NCOA1: variants seen among roughly 807,000 people sequenced by gnomAD.
NCOA1 encodes the protein Hin-2 protein.
A neutral mutation model predicts 150.9 loss-of-function variants in NCOA1; 35 were observed. That is an observed-to-expected ratio of 0.23 (90% CI 0.18 to 0.31). NCOA1 has a LOEUF of 0.31. Ranked by LOEUF, NCOA1 falls within the 10% of genes least tolerant of loss-of-function variation. The pLI is 1.00. For missense variants in NCOA1, 1,491 were observed against 1,749.3 expected, an observed-to-expected ratio of 0.85 and a Z score of 2.63; for synonymous variants, 590 against 630.0, an observed-to-expected ratio of 0.94 and a Z score of 0.95.
rs1459838926 is a variant in NCOA1 at position 24,491,398 on chromosome 2, G to T, written c.-600G>T. 5.0e-5 allele frequency among the ~76,000 whole-genome samples: 7 copies of T among 138,964 alleles called. No homozygotes were observed. The highest frequency in any genetic ancestry group is 1.4e-4 in the Admixed American group (2 of 14,478). 91.2% of individuals were successfully genotyped at this position (138,964 alleles called of 152,430 possible). On this transcript the variant is annotated 5_prime_UTR_variant, in exon 1 of 23. Transcript: ENST00000348332. ...CTGCCTCGCGGCCTTGAGGGCCTCC[G>T]CCGCCTGTTCGCTGCTGCTCCCTCG...
chr2:24,639,930 A>G (rs1161556327), intron 3 of NCOA1, among the ~76,000 whole-genome samples: 2,367 of 20,864 alleles, frequency 0.11, 219 homozygotes, highest in Admixed American at 0.14. Context: ...ATATATATAT[A>G]TATATATATA....
At chr2:24,740,152 AT>A (rs1663531558) in intron 18 of NCOA1, among the ~76,000 whole-genome samples, 1 of 152,168 alleles carries the variant, frequency 6.6e-6, no homozygotes, top group Non-Finnish European at 1.5e-5. Context: ...GAGATAAGGA[AT>A]TTTAGAGAGG....
intron 8 of NCOA1, among the ~76,000 whole-genome samples, chr2:24,683,776 A>AG (rs1672283098): frequency 6.6e-6 from 1 of 152,140 alleles, no homozygotes; most frequent in African/African-American, 2.4e-5. Flanking sequence ...TTCAGTGCTC[A>AG]AGTTCTAGTT....
chr2:24,702,482 C>T (rs1673211410), intron 11 of NCOA1, among the ~76,000 whole-genome samples: 1 of 152,086 alleles, frequency 6.6e-6, no homozygotes, highest in South Asian at 2.1e-4. Flanking sequence ...ATCTCAGCAC[C>T]AAATTGGGAG....
At chr2:24,625,994 G>A (rs958135722) in intron 3 of NCOA1, among the ~76,000 whole-genome samples, 3 of 152,112 alleles carry the variant, frequency 2.0e-5, no homozygotes, top group African/African-American at 7.2e-5. Context: ...TGGATATAGT[G>A]TTCTAAAAAT....
chr2:24,568,839 A>G (rs980962943), intron 2 of NCOA1, among the ~76,000 whole-genome samples: 3 of 152,228 alleles, frequency 2.0e-5, no homozygotes, highest in South Asian at 2.1e-4. Context: ...TTTCAGCTGG[A>G]TGAAAGCACT....
chr2:24,601,822 G>T (rs1177082891), intron 3 of NCOA1, among the ~76,000 whole-genome samples: 2 of 151,796 alleles, frequency 1.3e-5, no homozygotes, highest in Non-Finnish European at 2.9e-5. Context: ...TTTTAGTAGA[G>T]ACAGGGTTTC....
intron 4 of NCOA1, among the ~76,000 whole-genome samples, chr2:24,648,513 C>T (rs1264080128): frequency 6.6e-6 from 1 of 152,100 alleles, no homozygotes; most frequent in Admixed American, 6.6e-5. Context: ...CCTCATGATC[C>T]ACCCGCCTTG....
chr2:24,727,960 G>C (rs1286359930), intron 15 of NCOA1, among the ~76,000 whole-genome samples: 1 of 152,066 alleles, frequency 6.6e-6, no homozygotes, highest in African/African-American at 2.4e-5. Context: ...CTGAATATAG[G>C]CTAAATGATT....
intron 14 of NCOA1, among the ~76,000 whole-genome samples, chr2:24,713,297 A>C (rs965005491): frequency 6.6e-6 from 1 of 151,842 alleles, no homozygotes; most frequent in African/African-American, 2.4e-5. Flanking sequence ...AAAGAATTAC[A>C]CAAACAAGGG....
chr2:24,674,348 G>C (rs1007004135), intron 7 of NCOA1, among the ~76,000 whole-genome samples: 1 of 151,892 alleles, frequency 6.6e-6, no homozygotes, highest in African/African-American at 2.4e-5. Context: ...TGGGACTACA[G>C]GCGCCTGCTA....
intron 3 of NCOA1, among the ~76,000 whole-genome samples, chr2:24,620,341 C>T (rs180701243): frequency 2.6e-5 from 4 of 152,302 alleles, no homozygotes; most frequent in Middle Eastern, 3.4e-3. Context: ...TGCTGGCTCA[C>T]GCCTGTAATC....
At chr2:24,500,288 A>G (rs1262561386) in intron 1 of NCOA1, among the ~76,000 whole-genome samples, 1 of 152,072 alleles carries the variant, frequency 6.6e-6, no homozygotes, top group Non-Finnish European at 1.5e-5. Context: ...TTGTATTTTT[A>G]GTGGAGACGG....
Position 24,696,728 on chromosome 2 carries a change from A to G in NCOA1, c.809-930A>G, listed in dbSNP as rs771650860. ...TGCTGATTGTAATGGCAAAAAACCG[A>G]TAACAGTCTAGATGCCCATTCACAG... On this transcript the variant is annotated intron_variant, in intron 10 of 22. Transcript: ENST00000348332. 5.3e-5 allele frequency among the ~76,000 whole-genome samples: 8 copies of G among 152,298 alleles called. No homozygotes were observed. In the South Asian group the frequency reaches 6.2e-4, roughly 12 times the overall value.
At chr2:24,734,113 G>T (rs1160103491) in intron 17 of NCOA1, among the ~76,000 whole-genome samples, 1 of 151,280 alleles carries the variant, frequency 6.6e-6, no homozygotes, top group Admixed American at 6.6e-5. Flanking sequence ...GGAGGTGGAG[G>T]TTGCAGTGAG....
intron 3 of NCOA1, among the ~76,000 whole-genome samples, chr2:24,625,579 T>G (rs1669372366): frequency 6.6e-6 from 1 of 152,154 alleles, no homozygotes; most frequent in African/African-American, 2.4e-5. Context: ...CTTCCTAGCT[T>G]CTTAAGATAG....
At chr2:24,567,527 AC>A (rs1371243826) in intron 2 of NCOA1, among the ~76,000 whole-genome samples, 2 of 152,238 alleles carry the variant, frequency 1.3e-5, no homozygotes, top group African/African-American at 2.4e-5. Flanking sequence ...AAGACTAGAT[AC>A]ACCCATCTGA....
chr2:24,638,498 A>G (rs934416772), intron 3 of NCOA1, among the ~76,000 whole-genome samples: 2 of 152,094 alleles, frequency 1.3e-5, no homozygotes. Context: ...CCTAAATGCC[A>G]AGTAGTAGGA....
chr2:24,734,536 T>C (rs1054022987), intron 17 of NCOA1, among the ~76,000 whole-genome samples: 1 of 152,184 alleles, frequency 6.6e-6, no homozygotes, highest in Non-Finnish European at 1.5e-5. Context: ...GGCTTACACC[T>C]ATAACCCCCC....
Sources: gnomAD v4.1 joint callset for allele counts (sites outside exome capture counted in the v4.1 genomes callset) on GRCh38, gnomAD v4.1.1 for gene constraint, MANE v1.5 for transcripts, NCBI Gene and HGNC (gene_info 2026-07-23, HGNC 2026-07-21) for gene names.